The following STX18 variants were observed in gnomAD, a reference collection of about 807,000 sequenced individuals.
STX18 encodes syntaxin-18.
A neutral mutation model predicts 50.1 loss-of-function variants in STX18; 40 were observed. The ratio of observed to expected loss-of-function variants is 0.80; its 90% confidence interval spans 0.62 to 1.04. The LOEUF (loss-of-function observed/expected upper bound fraction) is 1.04, where lower values mean the gene tolerates loss of function less well. STX18 is among the 50% of genes least tolerant of loss of function. STX18 has a pLI of 0.00. For missense variants in STX18, 410 were observed against 415.8 expected, an observed-to-expected ratio of 0.99 and a Z score of 0.12; for synonymous variants, 158 against 151.8, an observed-to-expected ratio of 1.04 and a Z score of -0.30.
At position 4,420,238 on chromosome 4, in the gene STX18, TG is replaced by T; in HGVS notation, c.913-110del. On this transcript the variant is annotated intron_variant, in intron 10 of 10. Coordinates refer to ENST00000306200, the MANE Select transcript of STX18 (RefSeq NM_016930.4). The surrounding 1 kb of genome is among the most constrained non-coding windows in gnomAD (Gnocchi z 4.3). ...GCTCTCCTGATCCTGGCTGTAACTA[TG>T]GGTGTCGTTCCATCTGTGCTTACCT... 1.2e-6 allele frequency: 1 copy of T among 816,046 alleles called. No individual in the cohort carries two copies. The highest frequency in any genetic ancestry group is 2.0e-6 in the Non-Finnish European group (1 of 500,372). 50.6% of individuals were successfully genotyped at this position (816,046 alleles called of 1,614,324 possible).
chr4:4,434,108 G>C (rs913486221), intron 7 of STX18, among the ~76,000 whole-genome samples: 2 of 152,206 alleles, frequency 1.3e-5, no homozygotes, highest in African/African-American at 2.4e-5. Context: ...CGTGCCGTGT[G>C]GTAGTCACAT....
intron 2 of STX18, among the ~76,000 whole-genome samples, chr4:4,467,306 C>G (rs548210475): frequency 3.9e-5 from 6 of 152,160 alleles, no homozygotes; most frequent in Non-Finnish European, 7.3e-5. Context: ...CAAAGTTAAA[C>G]TATAAATTAA....
intron 3 of STX18, among the ~76,000 whole-genome samples, chr4:4,458,644 T>G (rs1727205990): frequency 6.6e-6 from 1 of 152,164 alleles, no homozygotes; most frequent in South Asian, 2.1e-4. Context: ...ATTGTCTCAG[T>G]GAGAATTAAA....
intron 1 of STX18, among the ~76,000 whole-genome samples, chr4:4,535,245 G>A (rs1417048625): frequency 6.6e-6 from 1 of 152,082 alleles, no homozygotes; most frequent in East Asian, 1.9e-4. Flanking sequence ...GCCCCACAAT[G>A]CCTGACACAC....
chr4:4,542,086 G>C (rs1270278059), upstream of STX18: 1 of 1,242,366 alleles, frequency 8.0e-7, no homozygotes, highest in Non-Finnish European at 1.1e-6. Flanking sequence ...CAACGGCGAC[G>C]CGAGAAGAAA....
rs766447591 is a variant in STX18 at position 4,434,817 on chromosome 4, C to T, written c.655G>A (p.Gly219Arg). The T allele has an allele frequency of 1.2e-6, 2 of 1,605,978 alleles. No individual in the cohort carries two copies. Among genetic ancestry groups the T allele is most frequent in the Admixed American group, 1.7e-5 (1 of 58,080 alleles). Residue 219 changes from glycine to arginine, a missense_variant, in exon 7 of 11, where the codon GGA (glycine) becomes AGA (arginine). Coordinates refer to ENST00000306200, the MANE Select transcript of STX18 (RefSeq NM_016930.4). Reference sequence around the variant, plus strand: ...AACTCATCTTCGCCTTTGCCATCTCCCCACGTTCCCAATTCAGGTTGTGTT... The same window carrying T: ...AACTCATCTTCGCCTTTGCCATCTCTCCACGTTCCCAATTCAGGTTGTGTT... Reference protein sequence around the residue: ...AETQPELGTWGDGKGEDELSP... With the variant: ...AETQPELGTWRDGKGEDELSP...
chr4:4,501,757 T>A (rs1439112123), intron 1 of STX18, among the ~76,000 whole-genome samples: 2 of 152,190 alleles, frequency 1.3e-5, no homozygotes, highest in African/African-American at 4.8e-5. Context: ...AATACTTAAA[T>A]ACGAATGCCA....
chr4:4,479,231 T>C (rs992866159), intron 1 of STX18, among the ~76,000 whole-genome samples: 3 of 152,230 alleles, frequency 2.0e-5, no homozygotes, highest in African/African-American at 7.2e-5. Context: ...GGTATCATTA[T>C]TACCCTTTTG....
At chr4:4,477,050 A>T (rs544196222) in intron 1 of STX18, among the ~76,000 whole-genome samples, 45 of 151,920 alleles carry the variant, frequency 3.0e-4, no homozygotes, top group South Asian at 2.3e-3. Context: ...AAATACAATT[A>T]AAAAAAACCA....
chr4:4,534,326 A>C (rs1010225133), intron 1 of STX18, among the ~76,000 whole-genome samples: 4 of 152,214 alleles, frequency 2.6e-5, no homozygotes, highest in Non-Finnish European at 5.9e-5. Context: ...GGCATGAATA[A>C]CTGGCACTCA....
intron 1 of STX18, among the ~76,000 whole-genome samples, chr4:4,530,296 G>GT (rs531488995): frequency 6.6e-6 from 1 of 151,840 alleles, no homozygotes; most frequent in East Asian, 1.9e-4. Context: ...CATGCCTAGA[G>GT]TTTTTTGGGT....
At chr4:4,469,457 AG>A (rs148792113) in intron 2 of STX18, among the ~76,000 whole-genome samples, 2,022 of 152,298 alleles carry the variant, frequency 0.013, 45 homozygotes, top group African/African-American at 0.046. Context: ...GGAGCAAGCA[AG>A]GTCAAATGTA....
intron 1 of STX18, among the ~76,000 whole-genome samples, chr4:4,495,120 T>A (rs1729110109): frequency 6.6e-6 from 1 of 152,178 alleles, no homozygotes; most frequent in Non-Finnish European, 1.5e-5. Flanking sequence ...TTATACAGCA[T>A]TCCAAACTTA....
At chr4:4,538,401 A>G (rs1731439254) in intron 1 of STX18, among the ~76,000 whole-genome samples, 3 of 152,206 alleles carry the variant, frequency 2.0e-5, no homozygotes, top group Admixed American at 2.0e-4. Flanking sequence ...GAATGCAGAC[A>G]GTACTTCTGC....
intron 2 of STX18, among the ~76,000 whole-genome samples, chr4:4,461,376 T>C (rs972454370): frequency 6.6e-6 from 1 of 152,164 alleles, no homozygotes; most frequent in Admixed American, 6.5e-5. Flanking sequence ...TTAAAATCAT[T>C]CAGAGATCTA....
At chr4:4,521,445 A>C (rs1006480861) in intron 1 of STX18, among the ~76,000 whole-genome samples, 2 of 152,246 alleles carry the variant, frequency 1.3e-5, no homozygotes, top group African/African-American at 4.8e-5. Flanking sequence ...TCAAGGAATC[A>C]ATCTCCAAGT....
chr4:4,450,307 A>T (rs1381676552), intron 5 of STX18, among the ~76,000 whole-genome samples: 1 of 152,146 alleles, frequency 6.6e-6, no homozygotes, highest in Non-Finnish European at 1.5e-5. Context: ...ATAGTGAGAA[A>T]CCTAGCTTTC....
At chr4:4,439,043 T>C (rs1725946858) in intron 5 of STX18, among the ~76,000 whole-genome samples, 1 of 145,360 alleles carries the variant, frequency 6.9e-6, no homozygotes, top group African/African-American at 2.6e-5. Flanking sequence ...TGCACACATA[T>C]ATACATACCC....
chr4:4,469,359 C>T (rs1372674863), intron 2 of STX18, among the ~76,000 whole-genome samples: 1 of 152,172 alleles, frequency 6.6e-6, no homozygotes, highest in Non-Finnish European at 1.5e-5. Context: ...CTACCTGGCT[C>T]TTATAGAAAG....
Sources: allele counts gnomAD v4.1 joint callset (sites outside exome capture counted in the v4.1 genomes callset), GRCh38; gene constraint gnomAD v4.1.1; non-coding constraint Gnocchi (gnomAD v3.1); transcripts MANE v1.5; gene names NCBI Gene and HGNC (gene_info 2026-07-23, HGNC 2026-07-21).